The following MED23 variants were observed in gnomAD, a reference collection of about 807,000 sequenced individuals.
MED23 encodes mediator complex subunit 23.
Under a neutral mutation model 163.9 loss-of-function variants are expected in MED23, and 105 were observed. That is an observed-to-expected ratio of 0.64 (90% CI 0.55 to 0.75). The LOEUF (loss-of-function observed/expected upper bound fraction) is 0.75. Among genes scored for constraint, MED23 ranks in the 30% least tolerant of loss-of-function variants. MED23 has a pLI of 0.00. For missense variants in MED23, 1,054 were observed against 1,649.0 expected, an observed-to-expected ratio of 0.64 and a Z score of 6.25; for synonymous variants, 561 against 565.6, an observed-to-expected ratio of 0.99 and a Z score of 0.12.
intron 30 of MED23, chr6:131,581,307 C>G: frequency 6.2e-7 from 1 of 1,613,896 alleles, no homozygotes; most frequent in South Asian, 1.1e-5. Flanking sequence ...TATCAACACT[C>G]CACTGACAAC....
chr6:131,606,387 C>T, intron 13 of MED23, 92 bp downstream of exon 13: 1 of 1,425,162 alleles, frequency 7.0e-7, no homozygotes, highest in South Asian at 1.2e-5. Context: ...GCGGAGATTT[C>T]CAAATTTCAC....
intron 20 of MED23, among the ~76,000 whole-genome samples, chr6:131,596,959 A>T (rs1775094939): frequency 1.3e-5 from 2 of 152,156 alleles, no homozygotes; most frequent in Non-Finnish European, 2.9e-5. Context: ...AGCAGATAAG[A>T]TTTCTCACTG....
chr6:131,596,186 A>T (rs758913358), intron 21 of MED23, 23 bp from the exon 22 acceptor site: 10 of 1,599,708 alleles, frequency 6.3e-6, no homozygotes, highest in Non-Finnish European at 6.9e-6. Flanking sequence ...GAAGATGATA[A>T]ATGGTTAGAG....
At chr6:131,602,930 T>TAAA in intron 16 of MED23, 100 bp downstream of exon 16, 17 of 1,005,428 alleles carry the variant, frequency 1.7e-5, no homozygotes, top group Non-Finnish European at 2.1e-5. Context: ...TGAATAATAA[T>TAAA]AAAAAAAAAA....
intron 23 of MED23, 88 bp downstream of exon 23, chr6:131,594,011 T>TAA (rs1395779362): frequency 1.7e-6 from 2 of 1,161,094 alleles, no homozygotes; most frequent in East Asian, 5.1e-5. Flanking sequence ...TTGAAATACA[T>TAA]AAAAAATTAC....
chr6:131,583,726 C>T (rs1774057795), downstream of MED23: 1 of 1,611,074 alleles, frequency 6.2e-7, no homozygotes, highest in Non-Finnish European at 8.5e-7. Flanking sequence ...TACATTATTA[C>T]AATTTGTTGT....
At position 131,587,728 on chromosome 6, in the gene MED23, G is replaced by A. The variant is rs780083501; in HGVS notation, c.4058C>T (p.Pro1353Leu). ...VPPQAMNSGS[P>L]APQSNQVPVS... is the part of the protein sequence containing the mutation. ...GGGCACCTGATTAGACTGAGGTGCT[G>A]GAGACCCACTGTTCATGGCTTGTGG... is the stretch of plus-strand genomic sequence containing the variant. The change falls in exon 29 of 29, where the codon CCA becomes CTA. Residue 1353 changes from proline to leucine, a missense_variant. By Grantham distance (98) the Pro-to-Leu change is moderately conservative (BLOSUM62 -3). Transcript: ENST00000368068. 3.1e-6 allele frequency: 5 copies of A among 1,614,122 alleles called. No individual in the cohort carries two copies. In the South Asian group the frequency reaches 5.5e-5, roughly 18 times the overall value.
intron 11 of MED23, among the ~76,000 whole-genome samples, chr6:131,608,397 G>T (rs1033715722): frequency 1.3e-5 from 2 of 151,922 alleles, no homozygotes; most frequent in African/African-American, 4.8e-5. Flanking sequence ...GTGTGCATGA[G>T]AATCAAGTTT....
downstream of MED23, chr6:131,582,701 G>C: frequency 6.2e-7 from 1 of 1,613,584 alleles, no homozygotes; most frequent in Non-Finnish European, 8.5e-7. Context: ...TGAGAGACGT[G>C]GACCCTGGGG....
At chr6:131,583,594 T>C, downstream of MED23, 2 of 1,538,480 alleles carry the variant, frequency 1.3e-6, no homozygotes, top group South Asian at 1.1e-5. Flanking sequence ...ACTTTCAGAA[T>C]GTCCATCAGT....
chr6:131,581,160 T>G, intron 30 of MED23: 1 of 1,545,732 alleles, frequency 6.5e-7, no homozygotes, highest in Non-Finnish European at 8.9e-7. Context: ...GAGTGAATAA[T>G]ATGATGTATG....
At chr6:131,613,815 C>T (rs923194478) in intron 10 of MED23, among the ~76,000 whole-genome samples, 4 of 151,158 alleles carry the variant, frequency 2.6e-5, no homozygotes, top group African/African-American at 7.3e-5. Flanking sequence ...AACTTGTTAC[C>T]GAAATGATCA....
intron 26 of MED23, among the ~76,000 whole-genome samples, chr6:131,590,740 T>G (rs967746391): frequency 1.3e-4 from 20 of 152,112 alleles, no homozygotes; most frequent in African/African-American, 4.8e-4. Context: ...GTGATTCTCC[T>G]GCTGACTAGC....
chr6:131,594,954 C>T (rs1774938666), intron 22 of MED23, among the ~76,000 whole-genome samples: 1 of 152,108 alleles, frequency 6.6e-6, no homozygotes, highest in Non-Finnish European at 1.5e-5. Context: ...ACTGTATACT[C>T]CACCCCATCA....
chr6:131,591,498 T>C lies in MED23; in HGVS notation c.3501A>G (p.Arg1167=). 3.1e-6 allele frequency: 5 copies of C among 1,613,722 alleles called. No homozygotes were observed. Among genetic ancestry groups the C allele is most frequent in the Non-Finnish European group, 4.2e-6 (5 of 1,179,806 alleles). Residue 1167 remains arginine (R), a synonymous_variant, in exon 26 of 29, where the codon CGA becomes CGG. Coordinates refer to ENST00000368068, the MANE Select transcript of MED23 (RefSeq NM_004830.4). ...TGGGGCTGCTGATGACACTCACAAT[T>C]CGATCATGAAGAACAATCCAATATG... ...PEPYWIVLHD[R]IVSVISSPSL...
Position 131,587,854 on chromosome 6 carries a change from A to G in MED23, c.3940-8T>C. The G allele has an allele frequency of 6.2e-7, 1 of 1,605,998 alleles. No homozygotes were observed. On this transcript the variant is annotated splice_region_variant and splice_polypyrimidine_tract_variant and intron_variant, in intron 28 of 28. Coordinates refer to ENST00000368068, the MANE Select transcript of MED23 (RefSeq NM_004830.4). The stretch of plus-strand genomic sequence containing the variant: ...ACAGATAATCTTCTCTACCTAAGAA[A>G]TAAAAACACATTAAAACGTACTTTA...
At chr6:131,582,812 A>AAG (rs996955399), downstream of MED23, 35 of 994,968 alleles carry the variant, frequency 3.5e-5, no homozygotes, top group African/African-American at 5.2e-4. Flanking sequence ...ATTAAACATC[A>AAG]AGACACACAC....
Position 131,624,736 on chromosome 6 carries a change from T to C in MED23, c.284+129A>G, listed in dbSNP as rs943745920. The C allele has an allele frequency of 6.9e-6, 7 of 1,018,192 alleles. No individual in the cohort carries two copies. In the Admixed American group the frequency reaches 1.4e-4, roughly 21 times the overall value. 63.1% of individuals were successfully genotyped at this position (1,018,192 alleles called of 1,614,324 possible). ...AGAAACTAAAACCTGAGGTATTATATAAAGGATTACTTGATAAACCTCACC... is the reference window on the plus strand; with the variant it reads ...AGAAACTAAAACCTGAGGTATTATACAAAGGATTACTTGATAAACCTCACC... On this transcript the variant is annotated intron_variant, in intron 4 of 28. Transcript: ENST00000368068.
At position 131,605,295 on chromosome 6, in the gene MED23, T is replaced by C. The variant is rs1372702202; in HGVS notation, c.1558A>G (p.Ile520Val). 9 of 1,613,366 alleles carry C rather than the reference T, an allele frequency of 5.6e-6. No homozygotes were observed. The highest frequency in any genetic ancestry group is 6.8e-6 in the Non-Finnish European group (8 of 1,179,492). ...AGGAGGTTCATAGGTAAGGGGGTAA[T>C]AGATCCTGAAGCCATACAGTTTGTT... ...PGTNCMASGS[I>V]TPLPMNLLDS... The change falls in exon 14 of 29, where the codon ATT becomes GTT. Residue 520 changes from isoleucine (I) to valine (V), a missense_variant. Around this residue, in one of 11 missense-constraint regions of MED23, gnomAD observed 54 missense variants for 89.8 expected, o/e 0.60. Coordinates refer to ENST00000368068, the MANE Select transcript of MED23 (RefSeq NM_004830.4).
Sources: allele counts gnomAD v4.1 joint callset (sites outside exome capture counted in the v4.1 genomes callset), GRCh38; gene constraint gnomAD v4.1.1; regional missense constraint gnomAD v4.1.1; transcripts MANE v1.5; gene names NCBI Gene and HGNC (gene_info 2026-07-23, HGNC 2026-07-21).